Variants in SLC24A2 observed in about 807,000 individuals in gnomAD.
SLC24A2 encodes solute carrier family 24 member 2.
A neutral mutation model predicts 62.0 loss-of-function variants in SLC24A2; 36 were observed. The observed-to-expected ratio is 0.58, with a 90% CI of 0.44 to 0.77. The LOEUF (loss-of-function observed/expected upper bound fraction) is 0.77. SLC24A2 is among the 30% of genes least tolerant of loss of function. The pLI is 0.00. For missense variants in SLC24A2, 846 were observed against 817.9 expected, an observed-to-expected ratio of 1.03 and a Z score of -0.42; for synonymous variants, 358 against 294.0, an observed-to-expected ratio of 1.22 and a Z score of -2.23.
the SLC24A2 span, among the ~76,000 whole-genome samples, chr9:20,229,840 G>A: frequency 6.1e-4 from 92 of 151,366 alleles, no homozygotes; most frequent in Middle Eastern, 3.4e-3. Flanking sequence ...CCATTAACTC[G>A]TCATTTAGCA....
At chr9:19,861,833 T>C in the SLC24A2 span, among the ~76,000 whole-genome samples, 1 of 151,866 alleles carries the variant, frequency 6.6e-6, no homozygotes, top group African/African-American at 2.4e-5. Flanking sequence ...GCAGAATTAA[T>C]CAAGCAGAAG....
chr9:20,002,914 T>A, the SLC24A2 span, among the ~76,000 whole-genome samples: 1 of 152,314 alleles, frequency 6.6e-6, no homozygotes, highest in South Asian at 2.1e-4. Context: ...ACTCTACGGA[T>A]GTACAACCAA....
chr9:20,068,718 G>A, the SLC24A2 span, among the ~76,000 whole-genome samples: 6 of 152,114 alleles, frequency 3.9e-5, no homozygotes, highest in African/African-American at 1.4e-4. Flanking sequence ...CTAAAATATA[G>A]GGGATTTGTT....
At chr9:19,709,304 G>T (rs1021682006) in intron 2 of SLC24A2, among the ~76,000 whole-genome samples, 1 of 152,182 alleles carries the variant, frequency 6.6e-6, no homozygotes, top group African/African-American at 2.4e-5. Context: ...CACACTGTTG[G>T]TGGGACTGTA....
At chr9:20,141,778 G>C in the SLC24A2 span, among the ~76,000 whole-genome samples, 1 of 151,944 alleles carries the variant, frequency 6.6e-6, no homozygotes, top group African/African-American at 2.4e-5. Flanking sequence ...ACGCTATAAA[G>C]ATAAGATTAA....
the SLC24A2 span, among the ~76,000 whole-genome samples, chr9:20,177,570 T>C: frequency 0.016 from 2,392 of 152,174 alleles, 69 homozygotes; most frequent in African/African-American, 0.054. Flanking sequence ...AGTGGTATGT[T>C]TGGAACATAT....
At chr9:20,197,572 C>T in the SLC24A2 span, among the ~76,000 whole-genome samples, 1 of 151,692 alleles carries the variant, frequency 6.6e-6, no homozygotes. Context: ...GCTGACACTA[C>T]AGGCATGCAC....
chr9:20,046,295 A>C, the SLC24A2 span, among the ~76,000 whole-genome samples: 2 of 152,226 alleles, frequency 1.3e-5, no homozygotes, highest in Non-Finnish European at 2.9e-5. Flanking sequence ...GAAGTAAGTA[A>C]GGAAAGAAAA....
chr9:20,097,464 T>C, the SLC24A2 span, among the ~76,000 whole-genome samples: 2 of 152,142 alleles, frequency 1.3e-5, no homozygotes, highest in Non-Finnish European at 2.9e-5. Context: ...AGTTGGATGT[T>C]GGGAGTCAAT....
chr9:19,906,811 C>G, the SLC24A2 span, among the ~76,000 whole-genome samples: 1 of 152,094 alleles, frequency 6.6e-6, no homozygotes, highest in South Asian at 2.1e-4. Context: ...CAATAACAGG[C>G]TCTGAAATTG....
the SLC24A2 span, among the ~76,000 whole-genome samples, chr9:20,076,861 GTA>G: frequency 0.096 from 10,110 of 105,754 alleles, 459 homozygotes; most frequent in African/African-American, 0.19. Context: ...CATATCATAT[GTA>G]TATATATATA....
chr9:19,946,956 C>A, the SLC24A2 span, among the ~76,000 whole-genome samples: 3 of 152,180 alleles, frequency 2.0e-5, no homozygotes, highest in Non-Finnish European at 4.4e-5. Context: ...AAAACTCAAA[C>A]AAGCCAGGGC....
At chr9:19,902,776 T>C in the SLC24A2 span, among the ~76,000 whole-genome samples, 1 of 152,194 alleles carries the variant, frequency 6.6e-6, no homozygotes, top group Non-Finnish European at 1.5e-5. Flanking sequence ...GTAATCACTA[T>C]ATTACAATTA....
chr9:20,305,844 C>G, the SLC24A2 span, among the ~76,000 whole-genome samples: 1 of 152,186 alleles, frequency 6.6e-6, no homozygotes, highest in South Asian at 2.1e-4. Flanking sequence ...GTATTTCTCA[C>G]AGTCCCAGAG....
At chr9:19,806,297 A>G in the SLC24A2 span, among the ~76,000 whole-genome samples, 144 of 152,262 alleles carry the variant, frequency 9.5e-4, no homozygotes, top group Middle Eastern at 0.034. Flanking sequence ...GATCTTGAGT[A>G]TATCCTACAG....
chr9:19,839,375 G>T, the SLC24A2 span, among the ~76,000 whole-genome samples: 1 of 152,222 alleles, frequency 6.6e-6, no homozygotes, highest in East Asian at 1.9e-4. Flanking sequence ...CATGCTCAGA[G>T]ATAGGGATGA....
chr9:19,870,117 A>G, the SLC24A2 span, among the ~76,000 whole-genome samples: 3 of 152,124 alleles, frequency 2.0e-5, no homozygotes, highest in Non-Finnish European at 4.4e-5. Flanking sequence ...CACCACCCCT[A>G]TCTAGTTTTA....
In SLC24A2 at chr9:19,568,597, G is replaced by A. The variant is rs377190938; in HGVS notation, c.1347+4754C>T. ...ATTATTATCCCTGTTTCACAAAGAG[G>A]GAAAATGGATAACAGGTTAAGTCAC... On this transcript the variant is annotated intron_variant, in intron 7 of 10. Coordinates refer to ENST00000341998, the MANE Select transcript of SLC24A2 (RefSeq NM_020344.4). 3.9e-5 allele frequency among the ~76,000 whole-genome samples: 6 copies of A among 152,268 alleles called. No homozygotes were observed. In the South Asian group the frequency reaches 1.2e-3, roughly 32 times the overall value.
intron 2 of SLC24A2, among the ~76,000 whole-genome samples, chr9:19,633,498 G>T (rs973435189): frequency 2.0e-5 from 3 of 152,166 alleles, no homozygotes; most frequent in African/African-American, 4.8e-5. Context: ...TTCTAAAGGT[G>T]CCGTGATATC....
Sources: allele counts gnomAD v4.1 joint callset (sites outside exome capture counted in the v4.1 genomes callset), GRCh38; gene constraint gnomAD v4.1.1; transcripts MANE v1.5; gene names NCBI Gene and HGNC (gene_info 2026-07-23, HGNC 2026-07-21).